RPS6KC1: variants seen among roughly 807,000 people sequenced by gnomAD.
RPS6KC1 encodes the protein ribosomal protein S6 kinase C1, also known as inactive ribosomal protein S6 kinase delta-1.
A neutral mutation model predicts 103.8 loss-of-function variants in RPS6KC1; 54 were observed. That is an observed-to-expected ratio of 0.52 (90% CI 0.42 to 0.65). The LOEUF is 0.65. Ranked by LOEUF, RPS6KC1 falls within the 30% of genes least tolerant of loss-of-function variation. The pLI is 0.00. For missense variants in RPS6KC1, 1,151 were observed against 1,253.8 expected (o/e 0.92, Z 1.24); for synonymous variants, 439 against 438.7 (o/e 1.00, Z -0.01).
chr1:213,557,144 G>T, the RPS6KC1 span, among the ~76,000 whole-genome samples: 93 of 152,286 alleles, frequency 6.1e-4, no homozygotes, highest in Non-Finnish European at 1.2e-3. Flanking sequence ...TTAGGGGCCT[G>T]CTTCAGCCCT....
chr1:213,066,651 G>A (rs2078356712), intron 1 of RPS6KC1, among the ~76,000 whole-genome samples: 1 of 152,186 alleles, frequency 6.6e-6, no homozygotes, highest in African/African-American at 2.4e-5. Flanking sequence ...TTAATCAGGT[G>A]TTGCAGTCAA....
intron 8 of RPS6KC1, 38 bp downstream of exon 8, chr1:213,176,530 A>G (rs372615700): frequency 6.9e-6 from 9 of 1,296,202 alleles, no homozygotes; most frequent in East Asian, 4.7e-5. Flanking sequence ...TCAGTCATAA[A>G]TCGACTGCAT....
At chr1:213,549,395 G>T in the RPS6KC1 span, among the ~76,000 whole-genome samples, 2 of 152,146 alleles carry the variant, frequency 1.3e-5, no homozygotes, top group African/African-American at 4.8e-5. Context: ...ACAGAGGATT[G>T]AAGGGTCAAA....
Position 213,241,377 on chromosome 1 carries a change from C to G in RPS6KC1, c.1901C>G (p.Thr634Ser), listed in dbSNP as rs1490738705. 6.2e-7 allele frequency: 1 copy of G among 1,613,890 alleles called. No homozygotes were observed. Residue 634 changes from threonine to serine, a missense_variant, in exon 11 of 15, where the codon ACT (threonine) becomes AGT (serine). Coordinates refer to ENST00000366960, the MANE Select transcript of RPS6KC1 (RefSeq NM_012424.6). ...TCAGAACCTTTGAAACCATTCTTTA[C>G]TCTTCCAGATGGAGACAGTGCTTCT... ...LKSEPLKPFF[T>S]LPDGDSASRS... is the part of the protein sequence containing the mutation.
At chr1:213,318,883 T>C in the RPS6KC1 span, among the ~76,000 whole-genome samples, 1 of 152,202 alleles carries the variant, frequency 6.6e-6, no homozygotes, top group South Asian at 2.1e-4. Flanking sequence ...TCAGTGTCCA[T>C]AGTAGGGATG....
intron 8 of RPS6KC1, among the ~76,000 whole-genome samples, chr1:213,181,170 G>A (rs183535611): frequency 5.1e-4 from 78 of 152,300 alleles, no homozygotes; most frequent in African/African-American, 1.8e-3. Flanking sequence ...TAACTCTTCT[G>A]GTTTGTGAGT....
intron 8 of RPS6KC1, among the ~76,000 whole-genome samples, chr1:213,188,951 C>G (rs1212906194): frequency 2.6e-5 from 4 of 151,886 alleles, no homozygotes; most frequent in Middle Eastern, 3.2e-3. Context: ...GAGAGTCACT[C>G]TGTTTGATTT....
At chr1:213,133,277 G>A (rs566700679) in intron 6 of RPS6KC1, among the ~76,000 whole-genome samples, 5 of 152,166 alleles carry the variant, frequency 3.3e-5, no homozygotes, top group East Asian at 3.9e-4. Context: ...TGAAAGTGGC[G>A]GATATGATTA....
chr1:213,462,866 G>A, the RPS6KC1 span, among the ~76,000 whole-genome samples: 2 of 152,106 alleles, frequency 1.3e-5, no homozygotes, highest in South Asian at 2.1e-4. Flanking sequence ...AAACCTGCAC[G>A]TTTGGCACAT....
chr1:213,544,466 CTG>C, the RPS6KC1 span, among the ~76,000 whole-genome samples: 1 of 152,206 alleles, frequency 6.6e-6, no homozygotes, highest in Non-Finnish European at 1.5e-5. Context: ...GAATGTGTCT[CTG>C]TTGCCATTGC....
the RPS6KC1 span, among the ~76,000 whole-genome samples, chr1:213,432,203 T>C: frequency 3.3e-4 from 50 of 152,362 alleles, no homozygotes; most frequent in African/African-American, 1.2e-3. Context: ...TATTTATTAC[T>C]ATTTACATAG....
chr1:213,837,876 T>A, the RPS6KC1 span, among the ~76,000 whole-genome samples: 1 of 152,222 alleles, frequency 6.6e-6, no homozygotes, highest in African/African-American at 2.4e-5. Flanking sequence ...TAAACAAAGC[T>A]GCATATAGGC....
At chr1:213,084,201 A>G (rs1457043080) in intron 3 of RPS6KC1, among the ~76,000 whole-genome samples, 1 of 151,490 alleles carries the variant, frequency 6.6e-6, no homozygotes, top group East Asian at 1.9e-4. Context: ...CTCCCCCAGC[A>G]CACACATATA....
chr1:213,174,670 C>CA (rs370278907), intron 7 of RPS6KC1, among the ~76,000 whole-genome samples: 2,208 of 42,070 alleles, frequency 0.052, 57 homozygotes, highest in African/African-American at 0.1. Flanking sequence ...AACTCCATCT[C>CA]AAAAAAAAAA....
At chr1:213,561,731 C>A in the RPS6KC1 span, among the ~76,000 whole-genome samples, 1 of 152,204 alleles carries the variant, frequency 6.6e-6, no homozygotes, top group Non-Finnish European at 1.5e-5. Flanking sequence ...CCCACTAATA[C>A]ATAACCCAGC....
the RPS6KC1 span, among the ~76,000 whole-genome samples, chr1:213,746,384 G>T: frequency 6.6e-6 from 1 of 152,200 alleles, no homozygotes; most frequent in African/African-American, 2.4e-5. Flanking sequence ...CAGCCCTAAA[G>T]TGAGGGGCAC....
chr1:213,603,564 AT>A, the RPS6KC1 span, among the ~76,000 whole-genome samples: 2,311 of 148,462 alleles, frequency 0.016, 62 homozygotes, highest in African/African-American at 0.054. Flanking sequence ...TTTTTTGAGA[AT>A]TTTTTTTTTT....
the RPS6KC1 span, among the ~76,000 whole-genome samples, chr1:213,710,645 G>C: frequency 6.6e-6 from 1 of 152,138 alleles, no homozygotes; most frequent in African/African-American, 2.4e-5. Flanking sequence ...TTTTGCAGTG[G>C]CTGGTACCGG....
chr1:213,674,533 A>G, the RPS6KC1 span, among the ~76,000 whole-genome samples: 4 of 152,174 alleles, frequency 2.6e-5, no homozygotes, highest in Non-Finnish European at 5.9e-5. Flanking sequence ...TTCTTATCCA[A>G]TCCACTACTG....
Sources: gnomAD v4.1 joint callset for allele counts (sites outside exome capture counted in the v4.1 genomes callset) on GRCh38, gnomAD v4.1.1 for gene constraint, MANE v1.5 for transcripts, NCBI Gene and HGNC (gene_info 2026-07-23, HGNC 2026-07-21) for gene names.